Variants in GRIK2 observed in about 807,000 individuals in gnomAD.
GRIK2 encodes glutamate ionotropic receptor kainate type subunit 2, also known as glutamate receptor ionotropic, kainate 2.
A neutral mutation model predicts 100.3 loss-of-function variants in GRIK2; 32 were observed. The observed-to-expected ratio is 0.32, with a 90% CI of 0.24 to 0.43. GRIK2 has a LOEUF of 0.43. GRIK2 is among the 20% of genes least tolerant of loss of function. The probability of loss-of-function intolerance (pLI) is 1.00; values close to 1 mark genes in which losing one functional copy is unlikely to be tolerated. For missense variants in GRIK2, 843 were observed against 1,114.9 expected, an observed-to-expected ratio of 0.76 and a Z score of 3.47; for synonymous variants, 417 against 389.4, an observed-to-expected ratio of 1.07 and a Z score of -0.83.
At chr6:101,932,403 AATGCCCATT>A (rs1264733409) in intron 14 of GRIK2, among the ~76,000 whole-genome samples, 1 of 151,804 alleles carries the variant, frequency 6.6e-6, no homozygotes, top group East Asian at 1.9e-4. Context: ...CTCTTTCTCT[AATGCCCATT>A]ATGCTCTTTT....
intron 14 of GRIK2, among the ~76,000 whole-genome samples, chr6:102,004,660 C>G (rs1795119521): frequency 6.6e-6 from 1 of 151,908 alleles, no homozygotes; most frequent in Non-Finnish European, 1.5e-5. Flanking sequence ...TGTTGCTCAT[C>G]CTTCATTCCG....
chr6:101,909,371 G>GTTTTTT (rs370241149), intron 12 of GRIK2, among the ~76,000 whole-genome samples: 1,015 of 83,386 alleles, frequency 0.012, 154 homozygotes, highest in Middle Eastern at 0.029. Flanking sequence ...GGAAGATAGG[G>GTTTTTT]TTTTCTTTTT....
At chr6:101,501,455 C>A (rs1773742205) in intron 2 of GRIK2, among the ~76,000 whole-genome samples, 1 of 152,100 alleles carries the variant, frequency 6.6e-6, no homozygotes, top group Non-Finnish European at 1.5e-5. Flanking sequence ...CTTGTGACTG[C>A]AGATTGCATA....
At chr6:101,578,936 C>A (rs918889003) in intron 2 of GRIK2, among the ~76,000 whole-genome samples, 5 of 152,144 alleles carry the variant, frequency 3.3e-5, no homozygotes, top group Non-Finnish European at 7.4e-5. Flanking sequence ...ATCACAACTC[C>A]TACCATTTTC....
chr6:101,762,069 T>TTCC (rs1251740168), intron 7 of GRIK2, among the ~76,000 whole-genome samples: 2 of 135,422 alleles, frequency 1.5e-5, no homozygotes, highest in African/African-American at 5.8e-5. Flanking sequence ...CTTCCTTTCC[T>TTCC]TTCCCCTCCC....
intron 11 of GRIK2, among the ~76,000 whole-genome samples, chr6:101,878,092 ATATTAT>A (rs1785985748): frequency 7.1e-6 from 1 of 140,308 alleles, no homozygotes; most frequent in African/African-American, 2.8e-5. Flanking sequence ...ATATTATATT[ATATTAT>A]ATTATATTAT....
intron 2 of GRIK2, among the ~76,000 whole-genome samples, chr6:101,475,860 G>A (rs1311181480): frequency 6.6e-6 from 1 of 151,908 alleles, no homozygotes; most frequent in Admixed American, 6.6e-5. Context: ...AATTTTATAG[G>A]TTGTACAGCT....
chr6:101,787,165 G>A (rs1212380583), intron 7 of GRIK2, among the ~76,000 whole-genome samples: 1 of 151,478 alleles, frequency 6.6e-6, no homozygotes, highest in Non-Finnish European at 1.5e-5. Context: ...CTATTGTAAT[G>A]TCCATTTTTT....
chr6:101,532,955 GGAAAA>G (rs1354450599), intron 2 of GRIK2, among the ~76,000 whole-genome samples: 1 of 151,468 alleles, frequency 6.6e-6, no homozygotes, highest in Non-Finnish European at 1.5e-5. Context: ...AGGGATATGA[GGAAAA>G]GAAAGGATGA....
chr6:101,823,927 G>T (rs530941061), intron 10 of GRIK2, among the ~76,000 whole-genome samples: 1 of 149,562 alleles, frequency 6.7e-6, no homozygotes, highest in African/African-American at 2.5e-5. Context: ...CAGTGCAGTA[G>T]CATGATCTCT....
intron 7 of GRIK2, among the ~76,000 whole-genome samples, chr6:101,783,988 A>T (rs748077486): frequency 7.2e-5 from 11 of 152,250 alleles, no homozygotes; most frequent in Non-Finnish European, 1.5e-4. Context: ...AGCAGAGCAT[A>T]AAGGTTTGGG....
At chr6:101,545,687 T>C (rs1776197819) in intron 2 of GRIK2, among the ~76,000 whole-genome samples, 1 of 152,110 alleles carries the variant, frequency 6.6e-6, no homozygotes, top group Admixed American at 6.5e-5. Context: ...ACAAGCAACT[T>C]TTTACTAGGC....
intron 2 of GRIK2, among the ~76,000 whole-genome samples, chr6:101,425,659 C>A (rs910775568): frequency 9.2e-5 from 14 of 152,150 alleles, no homozygotes; most frequent in African/African-American, 3.4e-4. Context: ...TTCTTGCAAT[C>A]AACTCATGTA....
At chr6:101,697,149 A>G (rs1772546654) in intron 7 of GRIK2, among the ~76,000 whole-genome samples, 1 of 152,160 alleles carries the variant, frequency 6.6e-6, no homozygotes, top group East Asian at 1.9e-4. Flanking sequence ...TAATGAATTC[A>G]CATATAAGAT....
At chr6:101,515,162 T>C (rs1464670912) in intron 2 of GRIK2, among the ~76,000 whole-genome samples, 1 of 152,152 alleles carries the variant, frequency 6.6e-6, no homozygotes, top group African/African-American at 2.4e-5. Context: ...GTTTTTCCTT[T>C]CCTGACTTAC....
At chr6:101,470,924 CATG>C (rs1370219440) in intron 2 of GRIK2, among the ~76,000 whole-genome samples, 1 of 152,074 alleles carries the variant, frequency 6.6e-6, no homozygotes, top group African/African-American at 2.4e-5. Context: ...ATAGTACAAC[CATG>C]ATGTTATAAA....
intron 2 of GRIK2, among the ~76,000 whole-genome samples, chr6:101,476,293 C>T (rs1397649542): frequency 6.6e-6 from 1 of 152,068 alleles, no homozygotes; most frequent in East Asian, 1.9e-4. Flanking sequence ...TGTTTCACTA[C>T]TAGAGAAATA....
chr6:102,002,187 G>A (rs1193420540), intron 14 of GRIK2, among the ~76,000 whole-genome samples: 3 of 149,814 alleles, frequency 2.0e-5, no homozygotes, highest in African/African-American at 7.3e-5. Context: ...TACTATTTAG[G>A]GGAATTATTT....
chr6:102,001,170 G>A (rs1250295350), intron 14 of GRIK2, among the ~76,000 whole-genome samples: 1 of 149,568 alleles, frequency 6.7e-6, no homozygotes, highest in Non-Finnish European at 1.5e-5. Context: ...ACTGTTCCAG[G>A]CATTCTTCTT....
Sources: allele counts gnomAD v4.1 joint callset (sites outside exome capture counted in the v4.1 genomes callset), GRCh38; gene constraint gnomAD v4.1.1; transcripts MANE v1.5; gene names NCBI Gene and HGNC (gene_info 2026-07-23, HGNC 2026-07-21).